FAT2: variants seen among roughly 807,000 people sequenced by gnomAD.
FAT2 encodes FAT atypical cadherin 2.
FAT2 carries 150 observed loss-of-function variants against 295.3 expected under a neutral mutation model. The ratio of observed to expected loss-of-function variants is 0.51; its 90% CI spans 0.44 to 0.58. The LOEUF is 0.58. Among genes scored for constraint, FAT2 ranks in the 20% least tolerant of loss-of-function variants. The probability of loss-of-function intolerance (pLI) is 0.00; values close to 1 mark genes in which losing one functional copy is unlikely to be tolerated. For missense variants in FAT2, 4,868 were observed against 5,442.7 expected (o/e 0.89, Z 3.32); for synonymous variants, 2,026 against 2,150.3 (o/e 0.94, Z 1.60).
At chr5:151,541,181 AC>A (rs1756096872) in intron 10 of FAT2, among the ~76,000 whole-genome samples, 1 of 152,180 alleles carries the variant, frequency 6.6e-6, no homozygotes, top group South Asian at 2.1e-4. Context: ...CTAAGGACCC[AC>A]CCTAAGTGGA....
At chr5:151,541,594 A>G (rs1756153602) in intron 10 of FAT2, among the ~76,000 whole-genome samples, 2 of 152,336 alleles carry the variant, frequency 1.3e-5, no homozygotes, top group African/African-American at 2.4e-5. Flanking sequence ...TGAGAAAAAA[A>G]GGCCACAGGA....
chr5:151,556,266 G>T, intron 4 of FAT2, 78 bp downstream of exon 4: 1 of 1,207,566 alleles, frequency 8.3e-7, no homozygotes, highest in Non-Finnish European at 1.2e-6. Context: ...CTCAGCCACA[G>T]TGCTAGACAT....
rs148567219 is a variant in FAT2, at chr5:151,568,376, C to T, written c.556G>A (p.Ala186Thr). The T allele has an allele frequency of 1.2e-6, 2 of 1,614,046 alleles. No individual in the cohort carries two copies. The highest frequency in any genetic ancestry group is 1.3e-5 in the African/African-American group (1 of 74,926). The part of the protein sequence containing the change: ...DLGQNAEFYY[A>T]FNTRSEMFAI... ...AACATCTCTGACCTTGTGTTAAAGG[C>T]ATAATAGAACTCAGCATTCTGGCCT... Residue 186 changes from alanine to threonine, a missense_variant, in exon 2 of 24, where the codon GCC (alanine) becomes ACC (threonine). This residue lies in a region of FAT2 where 3,297 missense variants were observed against 3,669.4 expected (regional missense o/e 0.90). Transcript: ENST00000261800.
At chr5:151,527,183 AG>A in intron 17 of FAT2, 50 bp downstream of exon 17, 1 of 1,538,356 alleles carries the variant, frequency 6.5e-7, no homozygotes, top group Non-Finnish European at 8.8e-7. Context: ...TTCTGCTAGA[AG>A]GGAAATGAAG....
intron 19 of FAT2, 30 bp downstream of exon 19, chr5:151,521,246 G>T (rs1184861874): frequency 6.4e-7 from 1 of 1,565,818 alleles, no homozygotes; most frequent in Non-Finnish European, 8.7e-7. Context: ...CAGCAGTGCT[G>T]CTCGTCCCTA....
In FAT2 at chr5:151,566,305, A is replaced by G; in HGVS notation, c.2627T>C (p.Val876Ala). The change falls in exon 2 of 24, where the codon GTT (valine) becomes GCT (alanine). Residue 876 changes from valine (V) to alanine (A), a missense_variant. Physicochemically the swap from Val to Ala is moderately conservative, Grantham distance 64. Coordinates refer to ENST00000261800, the MANE Select transcript of FAT2 (RefSeq NM_001447.3). Reference sequence around the variant, plus strand: ...TTCGCGGTCCAGGTGTCCTGTAACAACCAGTTCCCCAGTGAGAGGGTGGAG... The same window carrying G: ...TTCGCGGTCCAGGTGTCCTGTAACAGCCAGTTCCCCAGTGAGAGGGTGGAG... ...FSLHPLTGEL[V>A]VTGHLDRESE... 2 of 1,614,116 alleles carry G rather than the reference A, an allele frequency of 1.2e-6. No individual in the cohort carries two copies. The highest frequency in any genetic ancestry group is 1.1e-5 in the South Asian group (1 of 91,062).
Position 151,543,544 on chromosome 5 carries a change from T to G in FAT2, c.7583A>C (p.Lys2528Thr), listed in dbSNP as rs756752878. 6 of 1,614,082 alleles carry G rather than the reference T, an allele frequency of 3.7e-6. No individual in the cohort carries two copies. In the African/African-American group the frequency reaches 6.7e-5, roughly 18 times the overall value. ...YTIINKLASE[K>T]FSINPNGQIA... ...CTGGCCATTGGGGTTTATGGAGAAC[T>G]TCTCACTTGCTAGTTTATTGATGAT... Residue 2528 changes from lysine (K) to threonine (T), a missense_variant, in exon 10 of 24, where the codon AAG (lysine) becomes ACG (threonine). Transcript: ENST00000261800.
rs764518086 is a variant in FAT2 at position 151,568,107 on chromosome 5, T to C, written c.825A>G (p.Val275=). ...DSNDGTTYAT[V]LVDANSSGAE... ...CTCCTGAGCTATTTGCATCGACCAG[T>C]ACAGTGGCATAGGTGGTACCATCAT... is the stretch of plus-strand genomic sequence containing the variant. Residue 275 remains valine, a synonymous_variant, in exon 2 of 24, where the codon GTA becomes GTG. Coordinates refer to ENST00000261800, the MANE Select transcript of FAT2 (RefSeq NM_001447.3). 2.5e-6 allele frequency: 4 copies of C among 1,614,188 alleles called. No homozygotes were observed. In the East Asian group the frequency reaches 8.9e-5, roughly 36 times the overall value.
Position 151,521,874 on chromosome 5 carries a change from G to T in FAT2, c.10719C>A (p.Thr3573=). 6.2e-7 allele frequency: 1 copy of T among 1,614,118 alleles called. No homozygotes were observed. Residue 3573 remains threonine, a synonymous_variant, in exon 19 of 24, where the codon ACC becomes ACA. Coordinates refer to ENST00000261800, the MANE Select transcript of FAT2 (RefSeq NM_001447.3). ...TLTYSLAEEE[T]LGRHFSVGAP... is the part of the protein sequence containing the mutation. ...CACCCACTGAGAAGTGCCTGCCCAG[G>T]GTCTCCTCTTCTGCCAGGCTATAGG...
chr5:151,561,627 G>C (rs2127639960), intron 3 of FAT2, among the ~76,000 whole-genome samples: 1 of 152,314 alleles, frequency 6.6e-6, no homozygotes, highest in South Asian at 2.1e-4. Context: ...CTGGGCTCAA[G>C]CGATCCTCCT....
At position 151,584,408 on chromosome 5, in the gene FAT2, C is replaced by T. The variant is rs570884552; in HGVS notation, c.-21+6757G>A. ...CTGTTCTTGGAGCAATATTCTGGTC[C>T]GTTTTCTTATTTAATTCCTTCAAAG... is the stretch of plus-strand genomic sequence containing the variant. On this transcript the variant is annotated intron_variant, in intron 1 of 23. Transcript: ENST00000261800. Among the ~76,000 whole-genome samples, 6 of 152,186 alleles carry T rather than the reference C, an allele frequency of 3.9e-5. 1 individual carries two copies. The highest frequency in any genetic ancestry group is 1.4e-4 in the African/African-American group (6 of 41,518).
rs915420766 is a variant in FAT2 at position 151,506,050 on chromosome 5, C to G, written c.12565G>C (p.Glu4189Gln). The change falls in exon 24 of 24, where the codon GAA (glutamate) becomes CAA (glutamine). Residue 4189 changes from glutamate to glutamine, a missense_variant. Coordinates refer to ENST00000261800, the MANE Select transcript of FAT2 (RefSeq NM_001447.3). ...MVWPPTYSRN[E>Q]RWEYPHSEVT... ...TCGGAGTGGGGGTATTCCCAGCGTT[C>G]GTTCCTGGAGTAAGTAGGGGGCCAG... 1 of 1,558,602 alleles carries G rather than the reference C, an allele frequency of 6.4e-7. No individual in the cohort carries two copies. Among genetic ancestry groups the G allele is most frequent in the Admixed American group, 2.0e-5 (1 of 50,490 alleles).
intron 18 of FAT2, 68 bp from the exon 19 acceptor site, chr5:151,522,154 G>A: frequency 7.7e-7 from 1 of 1,301,412 alleles, no homozygotes; most frequent in Non-Finnish European, 1.0e-6. Flanking sequence ...ACTGAGGCTG[G>A]GCCTCCTTGT....
At chr5:151,536,403 C>A (rs1052678997) in intron 12 of FAT2, among the ~76,000 whole-genome samples, 5 of 152,150 alleles carry the variant, frequency 3.3e-5, no homozygotes, top group Non-Finnish European at 5.9e-5. Context: ...CCTGCCACCC[C>A]CTGCTCAGGT....
At chr5:151,527,939 G>A in intron 16 of FAT2, 57 bp downstream of exon 16, 3 of 1,585,214 alleles carry the variant, frequency 1.9e-6, no homozygotes, top group Non-Finnish European at 2.6e-6. Flanking sequence ...TGGACCTGCA[G>A]TGGGACTGTG....
rs1279889235 is a variant in FAT2 at position 151,549,486 on chromosome 5, G to C, written c.4598C>G (p.Pro1533Arg). The C allele has an allele frequency of 1.2e-6, 2 of 1,614,022 alleles. No individual in the cohort carries two copies. Among genetic ancestry groups the C allele is most frequent in the East Asian group, 2.2e-5 (1 of 44,894 alleles). Residue 1533 changes from proline to arginine, a missense_variant, in exon 9 of 24, where the codon CCT (proline) becomes CGT (arginine). Physicochemically the swap from Pro to Arg is moderately radical, Grantham distance 103. Around this residue, in one of 5 missense-constraint regions of FAT2, gnomAD observed 3,297 missense variants for 3,669.4 expected, o/e 0.90. Coordinates refer to ENST00000261800, the MANE Select transcript of FAT2 (RefSeq NM_001447.3). ...CACCCACACGAAGTTCCTCTTGATA[G>C]GTATTTCCTGGTCTCGGACCTATGG... Reference protein sequence around the residue: ...LTVMVRDQEIPIKRNFVWVTI... With the variant: ...LTVMVRDQEIRIKRNFVWVTI...
intron 18 of FAT2, 80 bp from the exon 19 acceptor site, chr5:151,522,166 G>T: frequency 8.4e-7 from 1 of 1,189,048 alleles, no homozygotes; most frequent in South Asian, 1.6e-5. Flanking sequence ...CCTCCTTGTG[G>T]AGCTACGTTT....
Position 151,543,475 on chromosome 5 carries a change from C to T in FAT2, c.7652G>A (p.Arg2551Lys), listed in dbSNP as rs1481764298. The T allele has an allele frequency of 1.9e-6, 3 of 1,614,188 alleles. No individual in the cohort carries two copies. The highest frequency in any genetic ancestry group is 1.1e-5 in the South Asian group (1 of 91,080). Residue 2551 changes from arginine (R) to lysine (K), a missense_variant, in exon 10 of 24, where the codon AGA becomes AAA. By Grantham distance (26) the Arg-to-Lys change is conservative. This residue lies in a region of FAT2 where 3,297 missense variants were observed against 3,669.4 expected (regional missense o/e 0.90). Coordinates refer to ENST00000261800, the MANE Select transcript of FAT2 (RefSeq NM_001447.3). ...AGCCATGACCTTAATAGCAATGACT[C>T]TCTCTGTTGAATTTTCCCGATCCAG... The part of the protein sequence containing the change: ...QKLDRENSTE[R>K]VIAIKVMARD...
At chr5:151,506,139 C>A in intron 23 of FAT2, 42 bp from the exon 24 acceptor site, 1 of 1,490,004 alleles carries the variant, frequency 6.7e-7, no homozygotes, top group South Asian at 1.4e-5. Context: ...ATTTTCTCCC[C>A]GGAAGGTTTC....
Sources: allele counts gnomAD v4.1 joint callset (sites outside exome capture counted in the v4.1 genomes callset), GRCh38; gene constraint gnomAD v4.1.1; regional missense constraint gnomAD v4.1.1; transcripts MANE v1.5; gene names NCBI Gene and HGNC (gene_info 2026-07-23, HGNC 2026-07-21).